DIABLO: variants seen among roughly 807,000 people sequenced by gnomAD.
DIABLO encodes the protein diablo IAP-binding mitochondrial protein, also known as diablo homolog, mitochondrial.
A neutral mutation model predicts 31.7 loss-of-function variants in DIABLO; 32 were observed. That is an observed-to-expected ratio of 1.01 (90% CI 0.76 to 1.35). DIABLO has a LOEUF of 1.35. Ranked by LOEUF, DIABLO falls within the 40% of genes most tolerant of loss-of-function variation. The pLI, the probability that DIABLO is intolerant of heterozygous loss-of-function variation, is 0.00. For missense variants in DIABLO, 316 were observed against 286.4 expected (o/e 1.10, Z -0.75); for synonymous variants, 132 against 103.2 (o/e 1.28, Z -1.69).
chr12:122,218,151 A>G, intron 3 of DIABLO, 115 bp downstream of exon 3: 3 of 1,279,592 alleles, frequency 2.3e-6, no homozygotes, highest in East Asian at 2.4e-5. Flanking sequence ...ACATAAACAA[A>G]TAGGCCTGGC....
chr12:122,213,169 A>G (rs1456768653), intron 5 of DIABLO, among the ~76,000 whole-genome samples: 1 of 150,582 alleles, frequency 6.6e-6, no homozygotes, highest in Non-Finnish European at 1.5e-5. Context: ...CTGCTTAGGC[A>G]TCCCGAAGTG....
At chr12:122,211,252 A>G (rs1342185021) in intron 5 of DIABLO, among the ~76,000 whole-genome samples, 1 of 151,918 alleles carries the variant, frequency 6.6e-6, no homozygotes, top group Non-Finnish European at 1.5e-5. Context: ...AATAAAAAAG[A>G]TTAATCGGGC....
intron 5 of DIABLO, among the ~76,000 whole-genome samples, chr12:122,214,870 T>C (rs1304542686): frequency 6.6e-6 from 1 of 152,170 alleles, no homozygotes; most frequent in Non-Finnish European, 1.5e-5. Flanking sequence ...TTTGTATTTT[T>C]AGTAGAGACA....
chr12:122,225,850 TG>T, intron 1 of DIABLO, 114 bp downstream of exon 1: 1 of 1,530,744 alleles, frequency 6.5e-7, no homozygotes. Flanking sequence ...GCGACCCAGC[TG>T]GGCGGACGAG....
At chr12:122,209,899 T>C (rs1954041859) in intron 5 of DIABLO, 1 of 670,522 alleles carries the variant, frequency 1.5e-6, no homozygotes, top group African/African-American at 1.8e-5. Flanking sequence ...TTAACCTTTA[T>C]TACATTAAGA....
At chr12:122,208,762 C>A (rs769214227) in intron 5 of DIABLO, 185 bp from the exon 6 acceptor site, 1 of 706,564 alleles carries the variant, frequency 1.4e-6, no homozygotes, top group Non-Finnish European at 2.5e-6. Context: ...ATTTAACTGA[C>A]ACTCTGTCAA....
intron 5 of DIABLO, among the ~76,000 whole-genome samples, chr12:122,213,629 C>CTTTTCTCCTTCTAGATA (rs1242161862): frequency 2.0e-5 from 3 of 152,018 alleles, no homozygotes; most frequent in African/African-American, 7.2e-5. Context: ...AGATATTCTC[C>CTTTTCTCCTTCTAGATA]TTTTCTCCTT....
intron 5 of DIABLO, 132 bp downstream of exon 5, chr12:122,216,356 A>C: frequency 1.3e-6 from 1 of 753,470 alleles, no homozygotes; most frequent in Admixed American, 2.7e-5. Flanking sequence ...AAATGGGGAA[A>C]ATTTCTCAAA....
chr12:122,219,192 C>T (rs150606489), intron 2 of DIABLO, among the ~76,000 whole-genome samples: 72 of 151,942 alleles, frequency 4.7e-4, no homozygotes, highest in African/African-American at 1.7e-3. Flanking sequence ...GAGATTGCAC[C>T]ACTGCGCTCC....
At chr12:122,218,170 AATCAAAT>A in intron 3 of DIABLO, 89 bp downstream of exon 3, 1 of 1,436,796 alleles carries the variant, frequency 7.0e-7, no homozygotes, top group South Asian at 1.2e-5. Flanking sequence ...GCTATGTTTC[AATCAAAT>A]ACCAACATGG....
intron 1 of DIABLO, 106 bp downstream of exon 1, chr12:122,225,859 G>C (rs1355805572): frequency 1.3e-6 from 2 of 1,536,610 alleles, no homozygotes; most frequent in Non-Finnish European, 1.8e-6. Context: ...CTGGGCGGAC[G>C]AGAGATGAGC....
intron 5 of DIABLO, among the ~76,000 whole-genome samples, chr12:122,213,791 C>A (rs1188250130): frequency 6.6e-6 from 1 of 151,920 alleles, no homozygotes; most frequent in Non-Finnish European, 1.5e-5. Context: ...CTCAGGATCA[C>A]TACTTTTTCT....
At chr12:122,211,251 G>A (rs71456728) in intron 5 of DIABLO, among the ~76,000 whole-genome samples, 1 of 151,648 alleles carries the variant, frequency 6.6e-6, no homozygotes, top group African/African-American at 2.4e-5. Flanking sequence ...AAATAAAAAA[G>A]ATTAATCGGG....
rs945936652 is a variant in DIABLO at position 122,224,616 on chromosome 12, C to A, written c.79G>T (p.Val27Leu). Residue 27 changes from valine to leucine, a missense_variant, in exon 2 of 6, where the codon GTG becomes TTG. Val to Leu is a conservative substitution (Grantham distance 32, BLOSUM62 1). Coordinates refer to ENST00000464942, the MANE Select transcript of DIABLO (RefSeq NM_001371333.1). ...RYRQCLCVPV[V>L]ANFKKRCFSE... is the part of the protein sequence containing the mutation. ...AAACACCGCTTCTTAAAGTTAGCCA[C>A]AACAGGAACACACAAACACTGTCTG... The A allele has an allele frequency of 1.2e-6, 2 of 1,614,110 alleles. No individual in the cohort carries two copies. The highest frequency in any genetic ancestry group is 1.7e-6 in the Non-Finnish European group (2 of 1,180,028).
chr12:122,225,426 T>G (rs1377715201), intron 1 of DIABLO: 1 of 997,694 alleles, frequency 1.0e-6, no homozygotes, highest in Non-Finnish European at 1.2e-6. Context: ...CTTTAAACTT[T>G]TTAGAAACGG....
chr12:122,224,881 G>A lies in DIABLO; in HGVS notation c.51-237C>T, dbSNP rs1954417177. 6 of 1,418,482 alleles carry A rather than the reference G, an allele frequency of 4.2e-6. No individual in the cohort carries two copies. In the South Asian group the frequency reaches 6.5e-5, roughly 15 times the overall value. 87.9% of individuals were successfully genotyped at this position (1,418,482 alleles called of 1,614,324 possible). On this transcript the variant is annotated intron_variant, in intron 1 of 5. Coordinates refer to ENST00000464942, the MANE Select transcript of DIABLO (RefSeq NM_001371333.1). ...CACTTGGAAGGCCAAGGGCAAGGCG[G>A]GAGGATCACTTGAGCCCAGGAGTTC...
In DIABLO at chr12:122,225,498, T is replaced by C. The variant is rs1331894069; in HGVS notation, c.50+467A>G. On this transcript the variant is annotated intron_variant, in intron 1 of 5. Coordinates refer to ENST00000464942, the MANE Select transcript of DIABLO (RefSeq NM_001371333.1). ...TCTGGACCCCTGGCCTGGGTGCCAG[T>C]TGTGTGTGACGGTCCCGCTACAATC... The C allele has an allele frequency of 1.2e-5, 12 of 1,032,706 alleles. No individual in the cohort carries two copies. The African/African-American group carries it at 1.2e-4, about 10-fold the overall frequency. 64.0% of individuals were successfully genotyped at this position (1,032,706 alleles called of 1,614,324 possible). A position where few individuals can be genotyped will look rare whatever the true frequency, so the allele number is the denominator to read the frequency against.
At position 122,208,412 on chromosome 12, in the gene DIABLO, G is replaced by A. The variant is rs769655007; in HGVS notation, c.689C>T (p.Ser230Leu). The change falls in exon 6 of 6, where the codon TCG becomes TTG. Residue 230 changes from serine to leucine, a missense_variant. By Grantham distance (145) the Ser-to-Leu change is moderately radical (BLOSUM62 -2). Transcript: ENST00000464942. ...TQEEGEERAE[S>L]EQEAYLRED ...CTCACGCAGGTAGGCCTCCTGCTCCGACTCAGCCCGCTCCTCCCCTTCCTC... is the reference window on the plus strand; with the variant it reads ...CTCACGCAGGTAGGCCTCCTGCTCCAACTCAGCCCGCTCCTCCCCTTCCTC... The A allele has an allele frequency of 6.8e-6, 11 of 1,613,142 alleles. No homozygotes were observed. The highest frequency in any genetic ancestry group is 1.8e-4 in the Middle Eastern group (1 of 5,600).
Position 122,207,917 on chromosome 12 carries a change from T to C in DIABLO, c.*464A>G, listed in dbSNP as rs1369606358. 6.5e-6 allele frequency: 3 copies of C among 460,762 alleles called. No homozygotes were observed. The highest frequency in any genetic ancestry group is 4.3e-6 in the Non-Finnish European group (1 of 231,546). 28.5% of individuals were successfully genotyped at this position (460,762 alleles called of 1,614,324 possible). On this transcript the variant is annotated 3_prime_UTR_variant, in exon 6 of 6. Transcript: ENST00000464942. ...GGCAGATCAGAGAACACATCAGAAA[T>C]ACATACAAAGAAATCGTACAAACTG...
Sources: allele counts gnomAD v4.1 joint callset (sites outside exome capture counted in the v4.1 genomes callset), GRCh38; gene constraint gnomAD v4.1.1; transcripts MANE v1.5; gene names NCBI Gene and HGNC (gene_info 2026-07-23, HGNC 2026-07-21).